FCRL1: variants seen among roughly 807,000 people sequenced by gnomAD.
FCRL1 encodes the protein Fc receptor like 1, also known as Fc receptor-like protein 1.
Under a neutral mutation model 49.2 loss-of-function variants are expected in FCRL1, and 34 were observed. The ratio of observed to expected loss-of-function variants is 0.69; its 90% CI spans 0.53 to 0.92. The LOEUF (loss-of-function observed/expected upper bound fraction) is 0.92. Ranked by LOEUF, FCRL1 falls within the 40% of genes least tolerant of loss-of-function variation. FCRL1 has a pLI of 0.00. For missense variants in FCRL1, 524 were observed against 524.1 expected (o/e 1.00, Z 0.00); for synonymous variants, 218 against 201.6 (o/e 1.08, Z -0.69).
At chr1:157,807,218 C>A in intron 1 of FCRL1, 96 bp from the exon 2 acceptor site, 4 of 1,313,550 alleles carry the variant, frequency 3.0e-6, no homozygotes, top group Non-Finnish European at 4.3e-6. Flanking sequence ...ACCACACCCT[C>A]CATCCCCTGG....
chr1:157,800,013 A>G, intron 7 of FCRL1, 45 bp downstream of exon 7: 1 of 1,562,386 alleles, frequency 6.4e-7, no homozygotes, highest in East Asian at 2.3e-5. Context: ...TTTTTAAAAT[A>G]GATTTTTCTG....
Position 157,796,080 on chromosome 1 carries a change from A to G in FCRL1, c.*19T>C. 6.2e-7 allele frequency: 1 copy of G among 1,609,512 alleles called. No individual in the cohort carries two copies. The highest frequency in any genetic ancestry group is 8.5e-7 in the Non-Finnish European group (1 of 1,175,830). On this transcript the variant is annotated 3_prime_UTR_variant, in exon 11 of 11. Coordinates refer to ENST00000368176, the MANE Select transcript of FCRL1 (RefSeq NM_052938.5). ...TTGGGGTCATGGATGGTTTTCAAAG[A>G]GCAGAATCTTCCATAACCTTACATA... is the stretch of plus-strand genomic sequence containing the variant.
chr1:157,813,447 A>T (rs966146698), intron 1 of FCRL1, among the ~76,000 whole-genome samples: 1 of 152,224 alleles, frequency 6.6e-6, no homozygotes, highest in Non-Finnish European at 1.5e-5. Flanking sequence ...AATTAAATGC[A>T]TGAAATAAAA....
intron 2 of FCRL1, 141 bp from the exon 3 acceptor site, chr1:157,804,252 C>CG (rs907542214): frequency 3.0e-5 from 28 of 940,662 alleles, no homozygotes; most frequent in African/African-American, 1.7e-4. Flanking sequence ...CTCCACCCCC[C>CG]CCCCAGTGGC....
chr1:157,799,565 C>A (rs1300380201), intron 7 of FCRL1, among the ~76,000 whole-genome samples: 1 of 151,452 alleles, frequency 6.6e-6, no homozygotes, highest in East Asian at 1.9e-4. Flanking sequence ...TATAAGAATG[C>A]TTGTGATTTT....
intron 9 of FCRL1, among the ~76,000 whole-genome samples, chr1:157,797,385 G>A (rs866518112): frequency 9.2e-5 from 14 of 152,140 alleles, no homozygotes; most frequent in Non-Finnish European, 1.3e-4. Flanking sequence ...CAGCTATTCT[G>A]GGCTCACCAT....
chr1:157,801,642 CT>C, intron 5 of FCRL1, 65 bp from the exon 6 acceptor site: 6 of 1,187,736 alleles, frequency 5.1e-6, no homozygotes, highest in South Asian at 3.9e-5. Flanking sequence ...GAGCAGACAT[CT>C]TGGGTGTGGG....
chr1:157,796,893 A>AAAT (rs1651574726), intron 10 of FCRL1, among the ~76,000 whole-genome samples: 1 of 152,226 alleles, frequency 6.6e-6, no homozygotes, highest in Non-Finnish European at 1.5e-5. Flanking sequence ...TTGCTAAAGT[A>AAAT]AATGTATTTG....
rs1350150385 is a variant in FCRL1 at position 157,804,889 on chromosome 1, A to G, written c.53-778T>C. 5.9e-4 allele frequency among the ~76,000 whole-genome samples: 86 copies of G among 146,226 alleles called. 1 individual carries two copies. The highest frequency in any genetic ancestry group is 4.2e-4 in the Non-Finnish European group (28 of 66,806). On this transcript the variant is annotated intron_variant, in intron 2 of 10. Transcript: ENST00000368176. ...TTTTTTTCCTTTTTGAGACAGGGTC[A>G]TGTTCTGACTCTCAGGCTTGAGTTC...
intron 1 of FCRL1, among the ~76,000 whole-genome samples, chr1:157,810,228 A>G (rs1421373993): frequency 2.6e-5 from 4 of 152,104 alleles, no homozygotes; most frequent in Admixed American, 1.3e-4. Flanking sequence ...TGAGTTTACC[A>G]GGGGTTAGGA....
chr1:157,803,239 C>T (rs903138024), intron 3 of FCRL1, among the ~76,000 whole-genome samples: 7 of 152,100 alleles, frequency 4.6e-5, no homozygotes, highest in Non-Finnish European at 8.8e-5. Context: ...TTTTAGCAAG[C>T]GTGGGAGAGC....
At position 157,802,376 on chromosome 1, in the gene FCRL1, C is replaced by A. The variant is rs1652670625; in HGVS notation, c.607+1G>T. ...GCTGAACGAAGGGTAGTGGAACTTACTTCTGACAGTGATGCTCACCAGCCC... is the reference window on the plus strand; with the variant it reads ...GCTGAACGAAGGGTAGTGGAACTTAATTCTGACAGTGATGCTCACCAGCCC... On this transcript the variant is annotated splice_donor_variant, in intron 4 of 10. Transcript: ENST00000368176. LOFTEE classifies it high-confidence loss of function. 3.1e-6 allele frequency: 5 copies of A among 1,613,706 alleles called. No individual in the cohort carries two copies. Among genetic ancestry groups the A allele is most frequent in the Non-Finnish European group, 4.2e-6 (5 of 1,179,726 alleles).
At chr1:157,813,046 A>T (rs1654542175) in intron 1 of FCRL1, among the ~76,000 whole-genome samples, 1 of 152,188 alleles carries the variant, frequency 6.6e-6, no homozygotes, top group African/African-American at 2.4e-5. Context: ...CTCACCTGGA[A>T]CCAAACCAAT....
intron 1 of FCRL1, among the ~76,000 whole-genome samples, chr1:157,813,719 G>T (rs1395387519): frequency 2.0e-5 from 3 of 152,150 alleles, no homozygotes; most frequent in African/African-American, 7.2e-5. Context: ...GGATGGATAT[G>T]AACAACCAAA....
intron 7 of FCRL1, among the ~76,000 whole-genome samples, chr1:157,798,627 G>A (rs1402379671): frequency 6.6e-6 from 1 of 151,878 alleles, no homozygotes; most frequent in Non-Finnish European, 1.5e-5. Flanking sequence ...CTTCATGTGC[G>A]GGTACCAGTG....
intron 1 of FCRL1, among the ~76,000 whole-genome samples, chr1:157,815,220 A>G (rs1654867285): frequency 6.6e-6 from 1 of 151,894 alleles, no homozygotes; most frequent in Non-Finnish European, 1.5e-5. Context: ...AAATGTCTTA[A>G]CAAATTTAAA....
At chr1:157,797,729 C>T (rs41273453) in intron 9 of FCRL1, 139 bp downstream of exon 9, 100,597 of 1,561,840 alleles carry the variant, frequency 0.064, 3,816 homozygotes, top group Admixed American at 0.077. Flanking sequence ...GACCCAAGGA[C>T]AGCCATTAAG....
intron 1 of FCRL1, among the ~76,000 whole-genome samples, chr1:157,813,787 C>T (rs1477903715): frequency 6.6e-6 from 1 of 152,132 alleles, no homozygotes; most frequent in African/African-American, 2.4e-5. Context: ...TCTCCAAGGT[C>T]ATTATAATCA....
At chr1:157,816,017 C>T (rs1265090207) in intron 1 of FCRL1, among the ~76,000 whole-genome samples, 4 of 151,802 alleles carry the variant, frequency 2.6e-5, no homozygotes. Context: ...TGAATTCTAC[C>T]AAACATTTAA....
Sources: allele counts gnomAD v4.1 joint callset (sites outside exome capture counted in the v4.1 genomes callset), GRCh38; gene constraint gnomAD v4.1.1; transcripts MANE v1.5; gene names NCBI Gene and HGNC (gene_info 2026-07-23, HGNC 2026-07-21).